SV2C: variants seen among roughly 807,000 people sequenced by gnomAD.
The protein encoded by SV2C is solute carrier family 22 member B3.
SV2C carries 49 observed loss-of-function variants against 79.7 expected under a neutral mutation model. The ratio of observed to expected loss-of-function variants is 0.61; its 90% confidence interval spans 0.49 to 0.78. The LOEUF (loss-of-function observed/expected upper bound fraction) is 0.78, where lower values mean the gene tolerates loss of function less well. SV2C is among the 30% of genes least tolerant of loss of function. SV2C has a pLI of 0.00. For synonymous variants in SV2C, 334 were observed against 333.2 expected, an observed-to-expected ratio of 1.00 and a Z score of -0.03; for missense variants, 833 against 912.9, an observed-to-expected ratio of 0.91 and a Z score of 1.13.
At chr5:75,964,851 C>G in the SV2C span, among the ~76,000 whole-genome samples, 1 of 152,088 alleles carries the variant, frequency 6.6e-6, no homozygotes, top group Non-Finnish European at 1.5e-5. Flanking sequence ...CACATATATG[C>G]TGTTGTCATT....
the SV2C span, among the ~76,000 whole-genome samples, chr5:75,983,234 A>T: frequency 6.6e-6 from 1 of 152,144 alleles, no homozygotes; most frequent in Non-Finnish European, 1.5e-5. Context: ...AACAGTTAAA[A>T]AAAAGAGGAT....
rs777357510 is a variant in SV2C at position 76,301,432 on chromosome 5, C to T, written c.1887C>T (p.Phe629=). 1.6e-5 allele frequency: 26 copies of T among 1,613,884 alleles called. No homozygotes were observed. The highest frequency in any genetic ancestry group is 1.4e-4 in the South Asian group (13 of 91,062). The change falls in exon 12 of 13, where the codon TTC becomes TTT. Residue 629 remains phenylalanine, a synonymous_variant. Coordinates refer to ENST00000502798, the MANE Select transcript of SV2C (RefSeq NM_014979.4). ...GGATCAGCTGTTTCTTCCTTTGGTT[C>T]GGCACCAGTGAATCCATGATGATAG... ...LSGISCFFLW[F]GTSESMMIGM... is the part of the protein sequence containing the mutation.
chr5:76,261,638 A>T (rs2112457950), intron 4 of SV2C, among the ~76,000 whole-genome samples: 1 of 152,226 alleles, frequency 6.6e-6, no homozygotes. Flanking sequence ...GTTTATTGAG[A>T]GTTTTTAGCA....
chr5:76,099,535 A>G (rs1315079135), intron 1 of SV2C, among the ~76,000 whole-genome samples: 2 of 152,104 alleles, frequency 1.3e-5, no homozygotes, highest in African/African-American at 2.4e-5. Flanking sequence ...CTCTCTCAGG[A>G]TAACCAACCA....
At chr5:75,895,905 C>A in the SV2C span, among the ~76,000 whole-genome samples, 1 of 151,862 alleles carries the variant, frequency 6.6e-6, no homozygotes, top group Non-Finnish European at 1.5e-5. Flanking sequence ...ATTGTAGTAC[C>A]TTTAGGGTTT....
At chr5:76,137,690 T>TA (rs1749114446) in intron 2 of SV2C, among the ~76,000 whole-genome samples, 2 of 152,138 alleles carry the variant, frequency 1.3e-5, no homozygotes, top group Non-Finnish European at 2.9e-5. Context: ...ATTTTTTAAT[T>TA]AAAAAAATCA....
At chr5:76,254,202 G>A (rs1386237096) in intron 4 of SV2C, among the ~76,000 whole-genome samples, 1 of 147,946 alleles carries the variant, frequency 6.8e-6, no homozygotes, top group Non-Finnish European at 1.5e-5. Flanking sequence ...ATATATATAT[G>A]TGTGTATATA....
At chr5:75,972,754 T>C in the SV2C span, among the ~76,000 whole-genome samples, 13 of 152,236 alleles carry the variant, frequency 8.5e-5, no homozygotes, top group East Asian at 3.9e-4. Context: ...TCAACCATTG[T>C]GGAAGTCCGT....
the SV2C span, among the ~76,000 whole-genome samples, chr5:76,024,586 A>G: frequency 0.015 from 2,241 of 152,172 alleles, 58 homozygotes; most frequent in African/African-American, 0.046. Flanking sequence ...TCTCCAGTCA[A>G]TCATTTATGT....
At chr5:75,857,732 C>G in the SV2C span, among the ~76,000 whole-genome samples, 1 of 152,162 alleles carries the variant, frequency 6.6e-6, no homozygotes, top group Non-Finnish European at 1.5e-5. Flanking sequence ...TTCTTCTAAT[C>G]CATTAGCATG....
chr5:76,251,194 G>A (rs1230774569), intron 4 of SV2C, among the ~76,000 whole-genome samples: 3 of 152,050 alleles, frequency 2.0e-5, no homozygotes, highest in African/African-American at 7.2e-5. Flanking sequence ...AAGCATCACG[G>A]CAGCCATGTT....
intron 12 of SV2C, among the ~76,000 whole-genome samples, chr5:76,304,095 G>A (rs1748105550): frequency 1.3e-5 from 2 of 152,204 alleles, no homozygotes; most frequent in African/African-American, 4.8e-5. Flanking sequence ...CAGCATGTGG[G>A]AAAACACCTC....
the SV2C span, among the ~76,000 whole-genome samples, chr5:76,047,409 G>A: frequency 6.6e-6 from 1 of 152,302 alleles, no homozygotes; most frequent in African/African-American, 2.4e-5. Flanking sequence ...GTTTGGATAT[G>A]CAGTTGCCAA....
the SV2C span, among the ~76,000 whole-genome samples, chr5:75,953,408 A>G: frequency 6.6e-6 from 1 of 151,994 alleles, no homozygotes; most frequent in Admixed American, 6.6e-5. Context: ...TTCATATATC[A>G]AAAATACCTA....
At chr5:75,947,916 G>A in the SV2C span, among the ~76,000 whole-genome samples, 2 of 151,712 alleles carry the variant, frequency 1.3e-5, no homozygotes, top group African/African-American at 4.8e-5. Context: ...TCAAGAGTAG[G>A]AAGTCTTATT....
At chr5:76,123,269 T>C (rs1395899340) in intron 1 of SV2C, among the ~76,000 whole-genome samples, 3 of 152,128 alleles carry the variant, frequency 2.0e-5, no homozygotes, top group Non-Finnish European at 4.4e-5. Flanking sequence ...CAGGACCAGA[T>C]GGATTCACAG....
chr5:75,985,786 TAGAG>T, the SV2C span, among the ~76,000 whole-genome samples: 28 of 151,918 alleles, frequency 1.8e-4, no homozygotes, highest in African/African-American at 6.0e-4. Context: ...TAGGAGCTCT[TAGAG>T]AGCCCACATT....
the SV2C span, among the ~76,000 whole-genome samples, chr5:76,031,047 G>A: frequency 2.0e-5 from 3 of 151,908 alleles, no homozygotes; most frequent in African/African-American, 7.3e-5. Flanking sequence ...AGCATATCAT[G>A]ATATTTTTGA....
At chr5:75,930,359 T>C in the SV2C span, among the ~76,000 whole-genome samples, 1 of 152,238 alleles carries the variant, frequency 6.6e-6, no homozygotes, top group South Asian at 2.1e-4. Flanking sequence ...TTTTAAGATA[T>C]CCTAGAGGAG....
Sources: gnomAD v4.1 joint callset for allele counts (sites outside exome capture counted in the v4.1 genomes callset) on GRCh38, gnomAD v4.1.1 for gene constraint, MANE v1.5 for transcripts, NCBI Gene and HGNC (gene_info 2026-07-23, HGNC 2026-07-21) for gene names.